Variants in PPP1R1C observed in about 807,000 individuals in gnomAD.
PPP1R1C encodes protein phosphatase 1 regulatory subunit 1C.
PPP1R1C carries 15 observed loss-of-function variants against 17.4 expected under a neutral mutation model. The ratio of observed to expected loss-of-function variants is 0.86; its 90% CI spans 0.58 to 1.33. The LOEUF is 1.33. PPP1R1C is among the 40% of genes most tolerant of loss of function. The pLI, the probability that PPP1R1C is intolerant of heterozygous loss-of-function variation, is 0.00. For synonymous variants in PPP1R1C, 35 were observed against 43.1 expected (o/e 0.81, Z 0.73); for missense variants, 143 against 130.0 (o/e 1.10, Z -0.48).
chr2:182,082,355 TG>T (rs1341610668), intron 4 of PPP1R1C, among the ~76,000 whole-genome samples: 1 of 152,198 alleles, frequency 6.6e-6, no homozygotes, highest in Non-Finnish European at 1.5e-5. Flanking sequence ...ATATCTCACC[TG>T]GTTTTCAAGC....
chr2:182,009,546 GT>G (rs1686029818), intron 2 of PPP1R1C, among the ~76,000 whole-genome samples: 1 of 152,000 alleles, frequency 6.6e-6, no homozygotes, highest in Non-Finnish European at 1.5e-5. Flanking sequence ...CATATGAGTA[GT>G]TTTGAATATT....
At chr2:182,010,818 G>A (rs886888812) in intron 2 of PPP1R1C, among the ~76,000 whole-genome samples, 1 of 151,938 alleles carries the variant, frequency 6.6e-6, no homozygotes. Flanking sequence ...ATTTCTGAGG[G>A]TTTTTATCAT....
chr2:182,126,388 TGC>T (rs1689876001), intron 5 of PPP1R1C, among the ~76,000 whole-genome samples: 2 of 152,094 alleles, frequency 1.3e-5, no homozygotes, highest in African/African-American at 4.8e-5. Context: ...CTCCATTAGT[TGC>T]ATTAATTAAT....
intron 1 of PPP1R1C, among the ~76,000 whole-genome samples, chr2:181,972,636 G>C (rs2037176): frequency 0.027 from 4,133 of 152,218 alleles, 199 homozygotes; most frequent in African/African-American, 0.094. Context: ...GTGGAAGGGT[G>C]CTCTGAGTCA....
chr2:182,046,128 C>CCTTCCTTCCTTCCTTA (rs1687339854), intron 2 of PPP1R1C, among the ~76,000 whole-genome samples: 1 of 149,392 alleles, frequency 6.7e-6, no homozygotes, highest in African/African-American at 2.5e-5. Context: ...TTCCTTCCTT[C>CCTTCCTTCCTTCCTTA]CTTCCTTCCT....
intron 2 of PPP1R1C, among the ~76,000 whole-genome samples, chr2:182,021,839 T>C (rs980883845): frequency 2.0e-5 from 3 of 152,158 alleles, no homozygotes; most frequent in African/African-American, 7.2e-5. Flanking sequence ...AAACAGAAAG[T>C]GGTCATTTTA....
At chr2:182,001,975 A>G (rs1293777786) in intron 2 of PPP1R1C, among the ~76,000 whole-genome samples, 2 of 152,148 alleles carry the variant, frequency 1.3e-5, no homozygotes, top group African/African-American at 4.8e-5. Flanking sequence ...TCCAGCTGCT[A>G]TATTATTTTC....
intron 4 of PPP1R1C, among the ~76,000 whole-genome samples, chr2:182,077,051 G>T (rs899746517): frequency 6.6e-6 from 1 of 152,128 alleles, no homozygotes; most frequent in Non-Finnish European, 1.5e-5. Context: ...ATACAAATGT[G>T]TCCTAGACAT....
chr2:182,025,908 G>C lies in PPP1R1C; in HGVS notation c.143-35534G>C, dbSNP rs1219586095. ...TTTTTAATGATCGCCATTCTAACTG[G>C]TGTGAGATGGTATCTCATTGTGGTT... On this transcript the variant is annotated intron_variant, in intron 2 of 4. Transcript: ENST00000682840. Among the ~76,000 whole-genome samples, 125 of 146,194 alleles carry C rather than the reference G, an allele frequency of 8.6e-4. 1 individual carries two copies. The highest frequency in any genetic ancestry group is 3.2e-3 in the African/African-American group (121 of 37,902).
intron 4 of PPP1R1C, among the ~76,000 whole-genome samples, chr2:182,077,250 C>T (rs1026954291): frequency 1.3e-5 from 2 of 149,654 alleles, no homozygotes; most frequent in African/African-American, 5.1e-5. Context: ...CATAAAATGT[C>T]ATAAACTTAC....
rs371943973 is a variant in PPP1R1C, at chr2:181,987,799, T to C, written c.82-40T>C. On this transcript the variant is annotated intron_variant, in intron 1 of 4. Transcript: ENST00000682840. ...CTGCAGAGTAACCTGGAGCAGTGTC[T>C]AATACTCACTGATATTAGCTGGGCT... 7.0e-5 allele frequency: 112 copies of C among 1,606,934 alleles called. No homozygotes were observed. The African/African-American group carries it at 1.5e-3, about 21-fold the overall frequency.
At chr2:182,048,357 C>G (rs1482573114) in intron 2 of PPP1R1C, among the ~76,000 whole-genome samples, 1 of 152,154 alleles carries the variant, frequency 6.6e-6, no homozygotes, top group Non-Finnish European at 1.5e-5. Context: ...CTTATAAGCA[C>G]AGCTCATTTT....
chr2:181,988,828 T>C (rs1685376865), intron 2 of PPP1R1C, among the ~76,000 whole-genome samples: 1 of 152,194 alleles, frequency 6.6e-6, no homozygotes, highest in South Asian at 2.1e-4. Context: ...TAATAGGCTA[T>C]TCATCATTTA....
At chr2:182,124,548 T>C (rs1213800376) in intron 5 of PPP1R1C, among the ~76,000 whole-genome samples, 1 of 152,106 alleles carries the variant, frequency 6.6e-6, no homozygotes, top group East Asian at 1.9e-4. Flanking sequence ...GTTTTTCCAT[T>C]TGTTTGTGTC....
chr2:182,065,670 A>C (rs1687965423), intron 4 of PPP1R1C, among the ~76,000 whole-genome samples: 1 of 152,084 alleles, frequency 6.6e-6, no homozygotes, highest in African/African-American at 2.4e-5. Flanking sequence ...ATAGGGCATT[A>C]TGATTATGCC....
Position 182,093,694 on chromosome 2 carries a change from C to T in PPP1R1C, c.242-23513C>T, listed in dbSNP as rs1035004043. 4.6e-5 allele frequency among the ~76,000 whole-genome samples: 7 copies of T among 152,138 alleles called. No individual in the cohort carries two copies. The East Asian group carries it at 1.4e-3, about 29-fold the overall frequency. ...CTCTCAAGGTCAAAGTTCCACAAATCTTTGGCAAAAGCAAAATGCCACCAG... is the reference window on the plus strand; with the variant it reads ...CTCTCAAGGTCAAAGTTCCACAAATTTTTGGCAAAAGCAAAATGCCACCAG... On this transcript the variant is annotated intron_variant, in intron 4 of 4. Coordinates refer to ENST00000682840, the MANE Select transcript of PPP1R1C (RefSeq NM_001080545.3).
chr2:181,956,760 C>T (rs193132568), intron 1 of PPP1R1C, among the ~76,000 whole-genome samples: 2 of 152,254 alleles, frequency 1.3e-5, no homozygotes, highest in Non-Finnish European at 1.5e-5. Flanking sequence ...TTACCATTCA[C>T]TCCAATTAAG....
exon 6 of PPP1R1C, chr2:182,128,977 C>A (rs1689941486): frequency 6.6e-6 from 1 of 152,060 alleles, no homozygotes; most frequent in African/African-American, 2.4e-5. Context: ...CCTCCAGGTG[C>A]AAAATGAGTT....
rs80155935 is a variant in PPP1R1C at position 181,998,469 on chromosome 2, G to A, written c.142+10570G>A. 1.2e-4 allele frequency among the ~76,000 whole-genome samples: 19 copies of A among 152,232 alleles called. No homozygotes were observed. The East Asian group carries it at 3.1e-3, about 25-fold the overall frequency. On this transcript the variant is annotated intron_variant, in intron 2 of 4. Coordinates refer to ENST00000682840, the MANE Select transcript of PPP1R1C (RefSeq NM_001080545.3). ...GGAGTCTTCTCATGAATAGCTCATC[G>A]ATTTCATCATAATATACACATCATT...
Sources: gnomAD v4.1 joint callset for allele counts (sites outside exome capture counted in the v4.1 genomes callset) on GRCh38, gnomAD v4.1.1 for gene constraint, MANE v1.5 for transcripts, NCBI Gene and HGNC (gene_info 2026-07-23, HGNC 2026-07-21) for gene names.